SAXO5: variants seen among roughly 807,000 people sequenced by gnomAD.
SAXO5 encodes stabilizer of axonemal microtubules 5.
At chr19:7,508,179 G>A in the SAXO5 span, 1 of 1,602,828 alleles carries the variant, frequency 6.2e-7, no homozygotes, top group Non-Finnish European at 8.5e-7. Flanking sequence ...AGGCTGCCCT[G>A]CCAGGCTGTC....
At chr19:7,501,571 C>T in the SAXO5 span, among the ~76,000 whole-genome samples, 1 of 151,782 alleles carries the variant, frequency 6.6e-6, no homozygotes, top group Admixed American at 6.6e-5. Flanking sequence ...CCTGTAACCT[C>T]AGCACTTTGG....
the SAXO5 span, chr19:7,508,085 A>T: frequency 2.7e-6 from 2 of 739,528 alleles, no homozygotes; most frequent in Non-Finnish European, 4.5e-6. Context: ...CGCCCCGACC[A>T]GCTAGCCTGC....
the SAXO5 span, chr19:7,508,159 G>T: frequency 6.5e-7 from 1 of 1,542,968 alleles, no homozygotes; most frequent in Middle Eastern, 1.8e-4. Flanking sequence ...GGGTGGATCG[G>T]CCACCTCCCA....
chr19:7,507,605 G>A, the SAXO5 span, among the ~76,000 whole-genome samples: 1 of 151,734 alleles, frequency 6.6e-6, no homozygotes, highest in African/African-American at 2.4e-5. Flanking sequence ...AAAAATAGAG[G>A]TCATCTCTAG....
the SAXO5 span, chr19:7,506,266 C>A: frequency 9.7e-7 from 1 of 1,034,072 alleles, no homozygotes; most frequent in Non-Finnish European, 1.4e-6. Flanking sequence ...GGAGCCCCGC[C>A]CCCACGGAGC....
chr19:7,501,937 G>A, the SAXO5 span, among the ~76,000 whole-genome samples: 1 of 148,192 alleles, frequency 6.7e-6, no homozygotes, highest in Non-Finnish European at 1.5e-5. Flanking sequence ...GAGGGAGGGA[G>A]GAAGACTTGG....
At chr19:7,501,451 A>C in the SAXO5 span, 15 of 1,416,970 alleles carry the variant, frequency 1.1e-5, no homozygotes, top group Non-Finnish European at 1.3e-5. Context: ...TGTGGTTCTC[A>C]AACAGGGGCA....
the SAXO5 span, chr19:7,505,616 T>C: frequency 6.2e-7 from 1 of 1,613,950 alleles, no homozygotes; most frequent in Non-Finnish European, 8.5e-7. Flanking sequence ...ATGCAGTACT[T>C]CTACGGCCAG....
At chr19:7,499,248 G>A in the SAXO5 span, among the ~76,000 whole-genome samples, 2 of 151,410 alleles carry the variant, frequency 1.3e-5, no homozygotes, top group African/African-American at 2.4e-5. Context: ...GGAGGTGGAG[G>A]TTGCAGTGAG....
chr19:7,507,225 C>G, the SAXO5 span: 2 of 1,216,728 alleles, frequency 1.6e-6, no homozygotes, highest in Non-Finnish European at 2.4e-6. Context: ...ATGCTGTCAC[C>G]CTGTCTCAGA....
the SAXO5 span, among the ~76,000 whole-genome samples, chr19:7,503,799 A>T: frequency 6.6e-6 from 1 of 151,832 alleles, no homozygotes; most frequent in South Asian, 2.1e-4. Context: ...TTTTAAATTT[A>T]TCATTATTTT....
At chr19:7,505,629 G>A in the SAXO5 span, 1 of 1,613,646 alleles carries the variant, frequency 6.2e-7, no homozygotes, top group Non-Finnish European at 8.5e-7. Context: ...ACGGCCAGGT[G>A]AGCAGGAAGA....
the SAXO5 span, chr19:7,499,947 T>TGTGTGTGTGTG: frequency 6.1e-4 from 91 of 149,488 alleles, no homozygotes; most frequent in African/African-American, 2.0e-3. Flanking sequence ...TGTGTGTGTG[T>TGTGTGTGTGTG]GTGTGTGTGT....
the SAXO5 span, among the ~76,000 whole-genome samples, chr19:7,498,170 T>TACACACACAC: frequency 0.022 from 3,106 of 142,476 alleles, 40 homozygotes; most frequent in Middle Eastern, 0.055. Flanking sequence ...CACACACACA[T>TACACACACAC]ACACACACAC....
At chr19:7,503,471 G>T in the SAXO5 span, among the ~76,000 whole-genome samples, 1,553 of 151,534 alleles carry the variant, frequency 0.01, 27 homozygotes, top group African/African-American at 0.036. Flanking sequence ...TATTATTGGG[G>T]TTTTTTTGTT....
the SAXO5 span, among the ~76,000 whole-genome samples, chr19:7,498,546 G>A: frequency 4.7e-4 from 72 of 152,072 alleles, no homozygotes; most frequent in African/African-American, 1.1e-3. Flanking sequence ...ACAGGCATGC[G>A]CCACCACGCC....
the SAXO5 span, among the ~76,000 whole-genome samples, chr19:7,497,889 G>A: frequency 6.6e-6 from 1 of 152,096 alleles, no homozygotes; most frequent in Non-Finnish European, 1.5e-5. Flanking sequence ...GGTGGCTCAT[G>A]CCTGTAATCC....
At chr19:7,506,353 C>A in the SAXO5 span, 1 of 666,350 alleles carries the variant, frequency 1.5e-6, no homozygotes, top group East Asian at 2.8e-5. Context: ...GCCCTCCCCT[C>A]CCCCGGCTTC....
chr19:7,505,281 C>T, the SAXO5 span: 1 of 1,592,464 alleles, frequency 6.3e-7, no homozygotes, highest in Non-Finnish European at 8.6e-7. Context: ...CCATGCCCAG[C>T]CCACTTTACC....
Sources: allele counts gnomAD v4.1 joint callset (sites outside exome capture counted in the v4.1 genomes callset), GRCh38; gene constraint gnomAD v4.1.1; transcripts MANE v1.5; gene names NCBI Gene and HGNC (gene_info 2026-07-23, HGNC 2026-07-21).